Variants in CORO2A observed in about 807,000 individuals in gnomAD.
The protein encoded by CORO2A is coronin 2A.
In CORO2A, 47 loss-of-function variants were observed where a neutral mutation model predicts 62.4. The ratio of observed to expected loss-of-function variants is 0.75; its 90% CI spans 0.60 to 0.96. The LOEUF (loss-of-function observed/expected upper bound fraction) is 0.96, where lower values mean the gene tolerates loss of function less well. Ranked by LOEUF, CORO2A falls within the 40% of genes least tolerant of loss-of-function variation. The probability of loss-of-function intolerance (pLI) is 0.00; values close to 1 mark genes in which losing one functional copy is unlikely to be tolerated. For synonymous variants in CORO2A, 273 were observed against 268.9 expected, an observed-to-expected ratio of 1.02 and a Z score of -0.15; for missense variants, 610 against 684.1, an observed-to-expected ratio of 0.89 and a Z score of 1.21.
intron 1 of CORO2A, among the ~76,000 whole-genome samples, chr9:98,191,786 C>T (rs1828308423): frequency 1.3e-5 from 2 of 152,334 alleles, no homozygotes; most frequent in African/African-American, 2.4e-5. Context: ...CAGGCGTGGC[C>T]GCCAGTCACC....
intron 1 of CORO2A, among the ~76,000 whole-genome samples, chr9:98,190,460 G>A (rs1469303956): frequency 6.6e-6 from 1 of 151,604 alleles, no homozygotes; most frequent in East Asian, 1.9e-4. Context: ...GTGTTTTTTT[G>A]GAGAAAAAAA....
intron 1 of CORO2A, among the ~76,000 whole-genome samples, chr9:98,161,946 G>A (rs1827892439): frequency 1.3e-5 from 2 of 152,200 alleles, no homozygotes; most frequent in Admixed American, 1.3e-4. Context: ...TCCAGGAGGA[G>A]TGAGGAGGCC....
At chr9:98,181,334 CTTTTTTTTTTTT>C (rs575456152) in intron 1 of CORO2A, among the ~76,000 whole-genome samples, 1 of 112,200 alleles carries the variant, frequency 8.9e-6, no homozygotes, top group African/African-American at 3.7e-5. Context: ...CTCTCTCTTG[CTTTTTTTTTTTT>C]TTTTTTTTTT....
chr9:98,131,988 G>T (rs1827414997), intron 6 of CORO2A, among the ~76,000 whole-genome samples, 197 bp downstream of exon 6: 2 of 152,060 alleles, frequency 1.3e-5, no homozygotes, highest in Non-Finnish European at 2.9e-5. Flanking sequence ...TCCCTCCTTG[G>T]GTGGCAAGAT....
Position 98,169,281 on chromosome 9 carries a change from G to C in CORO2A, c.1-11621C>G, listed in dbSNP as rs186282036. 1.2e-3 allele frequency among the ~76,000 whole-genome samples: 185 copies of C among 152,298 alleles called. 1 individual carries two copies. Among genetic ancestry groups the C allele is most frequent in the African/African-American group, 4.3e-3 (177 of 41,556 alleles). ...CACAGGAAGTACAGATTGAGTCAGAGAGCAAACCAAGACAAGGCCTCTTTC... is the reference window on the plus strand; with the variant it reads ...CACAGGAAGTACAGATTGAGTCAGACAGCAAACCAAGACAAGGCCTCTTTC... On this transcript the variant is annotated intron_variant, in intron 1 of 11. Coordinates refer to ENST00000375077, the MANE Select transcript of CORO2A (RefSeq NM_052820.4).
At chr9:98,129,728 A>C in intron 8 of CORO2A, 66 bp downstream of exon 8, 1 of 1,272,416 alleles carries the variant, frequency 7.9e-7, no homozygotes, top group Non-Finnish European at 1.1e-6. Context: ...CCTGACCCTG[A>C]TTCTCCCACC....
At chr9:98,127,010 C>A in intron 10 of CORO2A, 187 bp from the exon 11 acceptor site, 2 of 634,042 alleles carry the variant, frequency 3.2e-6, no homozygotes, top group Admixed American at 5.8e-5. Context: ...ATACAAATAC[C>A]CACGTGTGCC....
intron 2 of CORO2A, among the ~76,000 whole-genome samples, chr9:98,139,712 C>G (rs1827540897): frequency 6.6e-6 from 1 of 152,206 alleles, no homozygotes. Context: ...GGGAGGATTG[C>G]TTGAGCCTGG....
chr9:98,148,939 C>T (rs562333289), intron 2 of CORO2A, among the ~76,000 whole-genome samples: 8 of 151,900 alleles, frequency 5.3e-5, no homozygotes, highest in Non-Finnish European at 8.8e-5. Context: ...ATTCCTAAAA[C>T]GGGAAAAGTA....
chr9:98,169,613 C>T (rs965663533), intron 1 of CORO2A, among the ~76,000 whole-genome samples: 2 of 152,320 alleles, frequency 1.3e-5, no homozygotes, highest in African/African-American at 2.4e-5. Context: ...GAGGTCCCTA[C>T]GTTCCCCCTG....
rs778570408 is a variant in CORO2A at position 98,133,191 on chromosome 9, C to T, written c.495G>A (p.Lys165=). Residue 165 remains lysine, a synonymous_variant, in exon 5 of 12, where the codon AAG becomes AAA. Transcript: ENST00000375077. ...YKVMIWNLDT[K]ESVITSPMST... is the part of the protein sequence containing the mutation. ...TCATGGGGCTTGTGATGACAGACTC[C>T]TTTGTATCCAGGTTCCAGATCATCA... 1.5e-5 allele frequency: 25 copies of T among 1,614,240 alleles called. 1 individual carries two copies. The South Asian group carries it at 2.7e-4, about 18-fold the overall frequency.
chr9:98,126,475 T>G, intron 11 of CORO2A, 74 bp downstream of exon 11: 3 of 1,538,464 alleles, frequency 1.9e-6, no homozygotes, highest in Non-Finnish European at 2.6e-6. Flanking sequence ...TTTTCTCCCT[T>G]CTTCTCAGCC....
chr9:98,131,330 CTTT>C (rs60302015), intron 6 of CORO2A, among the ~76,000 whole-genome samples: 18 of 145,440 alleles, frequency 1.2e-4, no homozygotes, highest in South Asian at 6.7e-4. Flanking sequence ...TAACAAATCA[CTTT>C]TTTTTTTTTT....
intron 1 of CORO2A, among the ~76,000 whole-genome samples, chr9:98,173,502 C>A (rs1211419845): frequency 6.6e-6 from 1 of 152,150 alleles, no homozygotes; most frequent in Non-Finnish European, 1.5e-5. Context: ...CACCCCCCAA[C>A]TCGGTGGCCA....
chr9:98,166,295 A>G (rs931231965), intron 1 of CORO2A, among the ~76,000 whole-genome samples: 1 of 152,226 alleles, frequency 6.6e-6, no homozygotes, highest in African/African-American at 2.4e-5. Flanking sequence ...TCTTCACAAC[A>G]TTGGGCTTGG....
At chr9:98,152,738 T>C (rs991274788) in intron 2 of CORO2A, among the ~76,000 whole-genome samples, 2 of 152,312 alleles carry the variant, frequency 1.3e-5, no homozygotes, top group Non-Finnish European at 2.9e-5. Flanking sequence ...GCAATATTCT[T>C]GCCAAAAATA....
In CORO2A at chr9:98,130,526, G is replaced by C. The variant is rs547064549; in HGVS notation, c.870+429C>G. On this transcript the variant is annotated intron_variant, in intron 7 of 11. Transcript: ENST00000375077. ...AGCAGCAAAAGTCAGAACTGGGGTG[G>C]CCTCAGAGGTCATCCAGAAGGTCTT... Among the ~76,000 whole-genome samples, 17 of 152,356 alleles carry C rather than the reference G, an allele frequency of 1.1e-4. No homozygotes were observed. The South Asian group carries it at 1.2e-3, about 11-fold the overall frequency.
intron 2 of CORO2A, among the ~76,000 whole-genome samples, chr9:98,149,526 CT>C (rs1827694672): frequency 6.6e-6 from 1 of 152,248 alleles, no homozygotes; most frequent in Admixed American, 6.5e-5. Flanking sequence ...GCATCTGCTT[CT>C]GGTAAGGACT....
At chr9:98,153,611 A>G (rs576947398) in intron 2 of CORO2A, among the ~76,000 whole-genome samples, 1 of 150,958 alleles carries the variant, frequency 6.6e-6, no homozygotes, top group South Asian at 2.1e-4. Flanking sequence ...GTCTTGCTAT[A>G]CTGCCCAGGC....
Sources: allele counts gnomAD v4.1 joint callset (sites outside exome capture counted in the v4.1 genomes callset), GRCh38; gene constraint gnomAD v4.1.1; transcripts MANE v1.5; gene names NCBI Gene and HGNC (gene_info 2026-07-23, HGNC 2026-07-21).